Variants in MUC22 observed in about 807,000 individuals in gnomAD.
MUC22 encodes mucin 22.
Under a neutral mutation model 40.3 loss-of-function variants are expected in MUC22, and 24 were observed. That is an observed-to-expected ratio of 0.60 (90% CI 0.43 to 0.84). MUC22 has a LOEUF of 0.84. Ranked by LOEUF, MUC22 falls within the 40% of genes least tolerant of loss-of-function variation. MUC22 has a pLI of 0.00. For missense variants in MUC22, 1,926 were observed against 2,130.7 expected, an observed-to-expected ratio of 0.90 and a Z score of 1.89; for synonymous variants, 765 against 844.5, an observed-to-expected ratio of 0.91 and a Z score of 1.63.
chr6:31,026,291 C>A lies in MUC22; in HGVS notation c.860C>A (p.Thr287Asn). 1 of 1,516,910 alleles carries A rather than the reference C, an allele frequency of 6.6e-7. No individual in the cohort carries two copies. Among genetic ancestry groups the A allele is most frequent in the South Asian group, 1.2e-5 (1 of 83,024 alleles). 94.0% of individuals were successfully genotyped at this position (1,516,910 alleles called of 1,614,324 possible). Residue 287 changes from threonine to asparagine, a missense_variant, in exon 2 of 4, where the codon ACC becomes AAC. Coordinates refer to ENST00000561890, the Ensembl canonical transcript of MUC22. Reference sequence around the variant, plus strand: ...ACAATCCTGATTAAAGCCTCTGAGACCACCACAGCCTCTACAGCAGGTTCT... The same window carrying A: ...ACAATCCTGATTAAAGCCTCTGAGAACACCACAGCCTCTACAGCAGGTTCT...
exon 2 of MUC22, chr6:31,027,756 G>A (rs1300974587): frequency 3.3e-6 from 5 of 1,514,666 alleles, no homozygotes; most frequent in Non-Finnish European, 2.6e-6. Flanking sequence ...GCTCTGAGAT[G>A]ACCACAGTCT....
At chr6:31,028,373 G>T in exon 2 of MUC22, 2 of 1,532,740 alleles carry the variant, frequency 1.3e-6, no homozygotes, top group Non-Finnish European at 1.7e-6. Flanking sequence ...TCCATCACAG[G>T]CTCTGAGACC....
chr6:31,029,529 C>T (rs565933532), exon 2 of MUC22: 1 of 1,528,988 alleles, frequency 6.5e-7, no homozygotes, highest in African/African-American at 1.4e-5. Flanking sequence ...CTAAGACTAC[C>T]ACCGCCTCTA....
chr6:31,025,918 T>C (rs1691217806), exon 2 of MUC22: 1 of 1,534,278 alleles, frequency 6.5e-7, no homozygotes, highest in South Asian at 1.2e-5. Context: ...CACTGCAGGC[T>C]CTGAGAAAAC....
Position 31,028,581 on chromosome 6 carries a change from A to G in MUC22, c.3150A>G (p.Ala1050=). Residue 1050 remains alanine, a synonymous_variant, in exon 2 of 4, where the codon GCA becomes GCG. Coordinates refer to ENST00000561890, the Ensembl canonical transcript of MUC22. ...CTGAGACCACCAAGGTCTCCACTGC[A>G]AGCTCTAAAATGACCACAGTCTTCA... 3 of 1,534,210 alleles carry G rather than the reference A, an allele frequency of 2.0e-6. No individual in the cohort carries two copies. In the East Asian group the frequency reaches 7.4e-5, roughly 38 times the overall value.
At chr6:31,020,305 A>C (rs1764576953) in intron 1 of MUC22, among the ~76,000 whole-genome samples, 1 of 152,170 alleles carries the variant, frequency 6.6e-6, no homozygotes, top group South Asian at 2.1e-4. Context: ...AAGAAGCAAC[A>C]TCATTAAAAT....
At chr6:31,006,276 T>A (rs1302344357), upstream of MUC22, 2 of 236,354 alleles carry the variant, frequency 8.5e-6, no homozygotes, top group Non-Finnish European at 1.7e-5. Flanking sequence ...TTTAGACGTT[T>A]ATAAACATAT....
upstream of MUC22, among the ~76,000 whole-genome samples, chr6:31,009,304 C>T (rs1419616119): frequency 6.6e-6 from 1 of 152,158 alleles, no homozygotes; most frequent in Admixed American, 6.5e-5. Flanking sequence ...TGGGCTCACA[C>T]AATCCTCCCA....
intron 1 of MUC22, among the ~76,000 whole-genome samples, chr6:31,017,441 A>G (rs866715771): frequency 2.6e-5 from 4 of 152,312 alleles, no homozygotes; most frequent in South Asian, 2.1e-4. Context: ...AAATACACCA[A>G]TCAGCACTCT....
intron 1 of MUC22, among the ~76,000 whole-genome samples, chr6:31,019,948 C>G (rs1335918680): frequency 6.6e-6 from 1 of 151,870 alleles, no homozygotes; most frequent in Non-Finnish European, 1.5e-5. Context: ...GGAGTATGGG[C>G]TGAAAATGAA....
At position 31,032,958 on chromosome 6, in the gene MUC22, G is replaced by A. The variant is rs1436072747; in HGVS notation, c.5055+377G>A. Among the ~76,000 whole-genome samples the A allele has an allele frequency of 6.6e-6, 1 of 152,158 alleles. No individual in the cohort carries two copies. Among genetic ancestry groups the A allele is most frequent in the Non-Finnish European group, 1.5e-5 (1 of 68,024 alleles). ...AGGAGGGCGGATCACTTGAGTCCAG[G>A]CATTTGAGACCAGCCTGGCCAACAT... On this transcript the variant is annotated intron_variant, in intron 3 of 3. Coordinates refer to ENST00000561890, the Ensembl canonical transcript of MUC22. This position sits in a 1 kb window ranked among gnomAD's most constrained non-coding sequence, Gnocchi z 4.1.
At position 31,032,634 on chromosome 6, in the gene MUC22, A is replaced by G. The variant is rs1399766027; in HGVS notation, c.5055+53A>G. ...GAGCCTGGCAAGAAGGCAGGGGGGAATCATGTCAGCAGTGCTTTGGAAAAA... is the reference window on the plus strand; with the variant it reads ...GAGCCTGGCAAGAAGGCAGGGGGGAGTCATGTCAGCAGTGCTTTGGAAAAA... On this transcript the variant is annotated intron_variant, in intron 3 of 3. Transcript: ENST00000561890. This position sits in a 1 kb window ranked among gnomAD's most constrained non-coding sequence, Gnocchi z 4.1. The G allele has an allele frequency of 2.0e-6, 3 of 1,490,048 alleles. No individual in the cohort carries two copies. Among genetic ancestry groups the G allele is most frequent in the South Asian group, 1.3e-5 (1 of 75,388 alleles). The allele number at this position is 1,490,048 out of a possible 1,614,324, so 92.3% of individuals were successfully genotyped here.
chr6:31,030,965 T>C (rs6457300), intron 2 of MUC22, among the ~76,000 whole-genome samples: 4 of 152,048 alleles, frequency 2.6e-5, no homozygotes, highest in Admixed American at 1.3e-4. Context: ...AAAGCCTAAA[T>C]TATTTGCTGT....
chr6:31,008,299 G>A (rs1321175984), upstream of MUC22, among the ~76,000 whole-genome samples: 1 of 152,166 alleles, frequency 6.6e-6, no homozygotes, highest in Admixed American at 6.5e-5. Flanking sequence ...TCTCAGAGTC[G>A]TTGGATGCCA....
At chr6:31,034,613 G>A (rs1766308972) in intron 3 of MUC22, 59 bp from the exon 4 acceptor site, 1 of 1,397,506 alleles carries the variant, frequency 7.2e-7, no homozygotes, top group African/African-American at 1.4e-5. Flanking sequence ...GGCATGTATG[G>A]TGATTAGGGA....
At chr6:31,021,206 G>T (rs949795158) in intron 1 of MUC22, among the ~76,000 whole-genome samples, 1 of 152,276 alleles carries the variant, frequency 6.6e-6, no homozygotes, top group Non-Finnish European at 1.5e-5. Flanking sequence ...AGGACGTGGA[G>T]AGTCTTTATG....
chr6:31,018,696 A>G (rs1434520384), intron 1 of MUC22, among the ~76,000 whole-genome samples: 1 of 152,258 alleles, frequency 6.6e-6, no homozygotes, highest in Non-Finnish European at 1.5e-5. Flanking sequence ...TTTTCAATAA[A>G]CTAAACTCAC....
chr6:31,021,018 T>C (rs1450776995), intron 1 of MUC22, among the ~76,000 whole-genome samples: 1 of 103,300 alleles, frequency 9.7e-6, no homozygotes, highest in South Asian at 2.4e-4. Flanking sequence ...CTCCATGGGC[T>C]TCTGTGCGGC....
chr6:31,022,109 G>C (rs959505216), intron 1 of MUC22, among the ~76,000 whole-genome samples: 1 of 151,986 alleles, frequency 6.6e-6, no homozygotes, highest in Non-Finnish European at 1.5e-5. Flanking sequence ...CCACCAGAAG[G>C]AAGAAACTCC....
Sources: allele counts gnomAD v4.1 joint callset (sites outside exome capture counted in the v4.1 genomes callset), GRCh38; gene constraint gnomAD v4.1.1; non-coding constraint Gnocchi (gnomAD v3.1); transcripts MANE v1.5; gene names NCBI Gene and HGNC (gene_info 2026-07-23, HGNC 2026-07-21).